Variants in ELMO2 observed in about 807,000 individuals in gnomAD.
The protein encoded by ELMO2 is engulfment and cell motility 2, also known as engulfment and cell motility protein 2.
ELMO2 carries 37 observed loss-of-function variants against 96.2 expected under a neutral mutation model. The ratio of observed to expected loss-of-function variants is 0.38; its 90% confidence interval spans 0.30 to 0.51. ELMO2 has a LOEUF of 0.51. ELMO2 is among the 20% of genes least tolerant of loss of function. ELMO2 has a pLI of 0.88. For missense variants in ELMO2, 561 were observed against 912.6 expected, an observed-to-expected ratio of 0.61 and a Z score of 4.96; for synonymous variants, 315 against 329.4, an observed-to-expected ratio of 0.96 and a Z score of 0.47.
chr20:46,384,838 G>A lies in ELMO2; in HGVS notation c.677+1286C>T, dbSNP rs141738232. Among the ~76,000 whole-genome samples the A allele has an allele frequency of 2.7e-4, 41 of 151,882 alleles. No individual in the cohort carries two copies. In the East Asian group the frequency reaches 7.9e-3, roughly 29 times the overall value. On this transcript the variant is annotated intron_variant, in intron 9 of 21. Transcript: ENST00000290246. ...AAAAACTAGCCAGGTGTTGTGGAGTGTGCCTGTGATTCCAGCTACTCGGGA... is the reference window on the plus strand; with the variant it reads ...AAAAACTAGCCAGGTGTTGTGGAGTATGCCTGTGATTCCAGCTACTCGGGA...
chr20:46,368,995 G>C, intron 20 of ELMO2, 27 bp from the exon 21 acceptor site: 7 of 1,609,326 alleles, frequency 4.3e-6, no homozygotes, highest in Non-Finnish European at 6.0e-6. Context: ...TTAAATTAGA[G>C]CGATGGAACA....
intron 1 of ELMO2, among the ~76,000 whole-genome samples, chr20:46,404,516 C>T (rs1022579087): frequency 6.6e-6 from 1 of 152,134 alleles, no homozygotes; most frequent in East Asian, 1.9e-4. Context: ...GAATTATCCC[C>T]GGCAGGCAAC....
At chr20:46,393,687 A>G in intron 4 of ELMO2, 86 bp from the exon 5 acceptor site, 1 of 1,442,832 alleles carries the variant, frequency 6.9e-7, no homozygotes, top group South Asian at 1.2e-5. Flanking sequence ...GAGTTGCTCA[A>G]GGGATTGGGT....
chr20:46,372,152 T>C (rs2059731979), intron 16 of ELMO2, among the ~76,000 whole-genome samples, 183 bp from the exon 17 acceptor site: 2 of 152,194 alleles, frequency 1.3e-5, no homozygotes, highest in South Asian at 4.1e-4. Flanking sequence ...CTGACACTGA[T>C]AGATGCTTTA....
At chr20:46,404,777 T>C (rs2060398034) in intron 1 of ELMO2, among the ~76,000 whole-genome samples, 1 of 152,230 alleles carries the variant, frequency 6.6e-6, no homozygotes. Context: ...TAATATTGAT[T>C]ATGTTATAAT....
intron 11 of ELMO2, chr20:46,376,829 T>G: frequency 1.6e-6 from 2 of 1,280,584 alleles, no homozygotes; most frequent in South Asian, 2.5e-5. Context: ...GGCTGTGCTG[T>G]CCAGTATAGC....
intron 7 of ELMO2, among the ~76,000 whole-genome samples, chr20:46,388,310 C>T (rs1205589522): frequency 1.3e-5 from 2 of 152,170 alleles, no homozygotes; most frequent in Non-Finnish European, 2.9e-5. Flanking sequence ...ATATGTAAAA[C>T]AAATATCTAT....
At chr20:46,374,251 T>G in intron 15 of ELMO2, 81 bp downstream of exon 15, 2 of 1,177,340 alleles carry the variant, frequency 1.7e-6, no homozygotes, top group Non-Finnish European at 1.3e-6. Flanking sequence ...CCCACTGACA[T>G]GTAACTGTTT....
intron 9 of ELMO2, among the ~76,000 whole-genome samples, chr20:46,385,487 G>C (rs551562217): frequency 2.0e-5 from 3 of 152,370 alleles, no homozygotes; most frequent in East Asian, 3.9e-4. Flanking sequence ...CACAGTGTGA[G>C]AGGTGAAGGT....
intron 13 of ELMO2, 56 bp from the exon 14 acceptor site, chr20:46,374,696 C>T: frequency 6.7e-7 from 1 of 1,495,940 alleles, no homozygotes; most frequent in Admixed American, 1.7e-5. Flanking sequence ...TATGCAGGGA[C>T]CTGAGGGGAT....
intron 16 of ELMO2, among the ~76,000 whole-genome samples, chr20:46,372,554 C>T (rs967953656): frequency 1.3e-5 from 2 of 152,210 alleles, no homozygotes; most frequent in African/African-American, 4.8e-5. Context: ...TCACTTCAAC[C>T]TCGGAGGTGG....
intron 10 of ELMO2, among the ~76,000 whole-genome samples, chr20:46,382,481 T>C (rs1441396875): frequency 6.6e-6 from 1 of 152,236 alleles, no homozygotes; most frequent in Non-Finnish European, 1.5e-5. Flanking sequence ...CTAAAATGTC[T>C]TACTTTTAAC....
At chr20:46,376,331 C>G (rs187897534) in intron 11 of ELMO2, among the ~76,000 whole-genome samples, 1 of 151,796 alleles carries the variant, frequency 6.6e-6, no homozygotes, top group African/African-American at 2.4e-5. Flanking sequence ...CCTCCCACGG[C>G]CCTCTCCTTC....
intron 11 of ELMO2, among the ~76,000 whole-genome samples, chr20:46,376,128 A>G (rs889751459): frequency 6.6e-6 from 1 of 152,184 alleles, no homozygotes; most frequent in Non-Finnish European, 1.5e-5. Context: ...CCTTCCTCCA[A>G]TCAGGCATTT....
intron 1 of ELMO2, among the ~76,000 whole-genome samples, chr20:46,401,137 G>C (rs1488164886): frequency 6.6e-6 from 1 of 152,200 alleles, no homozygotes; most frequent in Non-Finnish European, 1.5e-5. Flanking sequence ...CATCAAGAAG[G>C]CAAGTTGGAG....
chr20:46,393,076 G>C lies in ELMO2; in HGVS notation c.243+17C>G, dbSNP rs745307899. ...TTTGTGACATGAATAAACTCCTAAG[G>C]AAGAAAGAATACCTACCGGGGAGAT... On this transcript the variant is annotated intron_variant, in intron 6 of 21. Coordinates refer to ENST00000290246, the MANE Select transcript of ELMO2 (RefSeq NM_133171.5). 6.3e-5 allele frequency: 101 copies of C among 1,612,010 alleles called. No individual in the cohort carries two copies. The highest frequency in any genetic ancestry group is 7.6e-5 in the Non-Finnish European group (90 of 1,178,188).
intron 20 of ELMO2, 162 bp downstream of exon 20, chr20:46,370,281 T>A (rs1322298969): frequency 1.4e-5 from 10 of 721,426 alleles, no homozygotes; most frequent in Non-Finnish European, 2.5e-5. Context: ...GGGTGATGTG[T>A]ATACAGAGGT....
rs373011199 is a variant in ELMO2, at chr20:46,393,159, T to C, written c.193-16A>G. ...CACTGCGAGTCTGGGTAGTGAAAAATAAACAAAAAAAGTAACTAAGATAAA... is the reference window on the plus strand; with the variant it reads ...CACTGCGAGTCTGGGTAGTGAAAAACAAACAAAAAAAGTAACTAAGATAAA... On this transcript the variant is annotated splice_polypyrimidine_tract_variant and intron_variant, in intron 5 of 21. Coordinates refer to ENST00000290246, the MANE Select transcript of ELMO2 (RefSeq NM_133171.5). 10 of 1,612,446 alleles carry C rather than the reference T, an allele frequency of 6.2e-6. No individual in the cohort carries two copies. In the African/African-American group the frequency reaches 1.2e-4, roughly 19 times the overall value.
chr20:46,405,539 C>T (rs1360224662), intron 1 of ELMO2, among the ~76,000 whole-genome samples: 2 of 151,944 alleles, frequency 1.3e-5, no homozygotes, highest in African/African-American at 4.8e-5. Context: ...TGGATCTGAC[C>T]CTACAAAGGG....
Sources: allele counts gnomAD v4.1 joint callset (sites outside exome capture counted in the v4.1 genomes callset), GRCh38; gene constraint gnomAD v4.1.1; transcripts MANE v1.5; gene names NCBI Gene and HGNC (gene_info 2026-07-23, HGNC 2026-07-21).